Variants in LCORL observed in about 807,000 individuals in gnomAD.
LCORL encodes the protein ligand-dependent nuclear receptor corepressor-like protein.
LCORL carries 41 observed loss-of-function variants against 141.8 expected under a neutral mutation model. The ratio of observed to expected loss-of-function variants is 0.29; its 90% CI spans 0.23 to 0.38. The LOEUF (loss-of-function observed/expected upper bound fraction) is 0.38. LCORL is among the 10% of genes least tolerant of loss of function. The probability of loss-of-function intolerance (pLI) is 1.00; values close to 1 mark genes in which losing one functional copy is unlikely to be tolerated. For missense variants in LCORL, 1,759 were observed against 2,035.0 expected, an observed-to-expected ratio of 0.86 and a Z score of 2.61; for synonymous variants, 618 against 694.1, an observed-to-expected ratio of 0.89 and a Z score of 1.72.
At chr4:17,931,842 T>C (rs1456161939) in intron 4 of LCORL, among the ~76,000 whole-genome samples, 1 of 152,142 alleles carries the variant, frequency 6.6e-6, no homozygotes, top group East Asian at 1.9e-4. Flanking sequence ...TTTAGGTCTT[T>C]TATATCCTTA....
intron 4 of LCORL, among the ~76,000 whole-genome samples, chr4:17,927,879 C>T (rs904396765): frequency 1.2e-4 from 18 of 151,994 alleles, no homozygotes; most frequent in South Asian, 2.1e-4. Context: ...ATAAGGAAAA[C>T]GGCGCAAACA....
chr4:17,933,962 C>T (rs949259745), intron 4 of LCORL, among the ~76,000 whole-genome samples: 8 of 152,000 alleles, frequency 5.3e-5, no homozygotes, highest in African/African-American at 1.7e-4. Context: ...AAGTAACAGT[C>T]CTTTTAGCTC....
intron 1 of LCORL, among the ~76,000 whole-genome samples, chr4:17,991,952 A>G (rs1024379592): frequency 6.6e-6 from 1 of 152,206 alleles, no homozygotes; most frequent in African/African-American, 2.4e-5. Flanking sequence ...AGTGATGGTG[A>G]GACACAGAGA....
intron 2 of LCORL, among the ~76,000 whole-genome samples, chr4:17,967,068 A>T (rs1715029453): frequency 6.6e-6 from 1 of 152,204 alleles, no homozygotes; most frequent in Admixed American, 6.5e-5. Flanking sequence ...GTACATCTAT[A>T]CAACGCAATA....
At chr4:17,963,450 G>A (rs1714254019) in intron 2 of LCORL, among the ~76,000 whole-genome samples, 1 of 151,858 alleles carries the variant, frequency 6.6e-6, no homozygotes, top group South Asian at 2.1e-4. Context: ...ACATAAAATA[G>A]AGAAATAGAA....
intron 1 of LCORL, among the ~76,000 whole-genome samples, chr4:18,017,597 G>A (rs1724830481): frequency 6.6e-6 from 1 of 152,048 alleles, no homozygotes; most frequent in East Asian, 1.9e-4. Context: ...AATTCAAATT[G>A]AGGGACATTC....
In LCORL at chr4:18,021,764, T is replaced by A; in HGVS notation, c.-13A>T. The A allele has an allele frequency of 6.7e-7, 1 of 1,482,596 alleles. No homozygotes were observed. Among genetic ancestry groups the A allele is most frequent in the Non-Finnish European group, 8.9e-7 (1 of 1,122,256 alleles). The allele number at this position is 1,482,596 out of a possible 1,614,324, so 91.8% of individuals were successfully genotyped here. A position where few individuals can be genotyped will look rare whatever the true frequency, so the allele number is the denominator to read the frequency against. On this transcript the variant is annotated 5_prime_UTR_variant, in exon 1 of 8. Coordinates refer to ENST00000635767, the Ensembl canonical transcript of LCORL. The surrounding 1 kb of genome is among the most constrained non-coding windows in gnomAD (Gnocchi z 5.5). ...TTCCCTTGTCCATCTGCGTCCCGCG[T>A]CACGCGCCCTCATTTACATACGAGC... is the stretch of plus-strand genomic sequence containing the variant.
In LCORL at chr4:17,883,318, A is replaced by G. The variant is rs566109264; in HGVS notation, c.776+2750T>C. ...AGAATGTTTATAAACTATGAATATC[A>G]TATTTCCATTATAAGATGGTTCAAC... On this transcript the variant is annotated intron_variant, in intron 6 of 7. Coordinates refer to ENST00000635767, the Ensembl canonical transcript of LCORL. 1.1e-5 allele frequency: 11 copies of G among 996,428 alleles called. No individual in the cohort carries two copies. In the East Asian group the frequency reaches 8.6e-4, roughly 78 times the overall value. 61.7% of individuals were successfully genotyped at this position (996,428 alleles called of 1,614,324 possible). A position where few individuals can be genotyped will look rare whatever the true frequency, so the allele number is the denominator to read the frequency against.
chr4:17,945,428 A>G (rs1179411171), intron 4 of LCORL, among the ~76,000 whole-genome samples: 2 of 151,730 alleles, frequency 1.3e-5, no homozygotes, highest in African/African-American at 2.4e-5. Context: ...TTTTTACACT[A>G]GAATTTATCG....
chr4:17,857,306 CA>C (rs1349962541), intron 7 of LCORL, among the ~76,000 whole-genome samples: 1 of 151,992 alleles, frequency 6.6e-6, no homozygotes, highest in African/African-American at 2.4e-5. Flanking sequence ...GACAGATCTG[CA>C]GAGGATTTTC....
intron 4 of LCORL, among the ~76,000 whole-genome samples, chr4:17,914,728 T>C (rs1373694211): frequency 6.6e-6 from 1 of 152,212 alleles, no homozygotes; most frequent in Non-Finnish European, 1.5e-5. Flanking sequence ...AGTAAACATT[T>C]GCCTAGAAGA....
chr4:17,941,003 A>T (rs1365287490), intron 4 of LCORL, among the ~76,000 whole-genome samples: 1 of 152,228 alleles, frequency 6.6e-6, no homozygotes, highest in Non-Finnish European at 1.5e-5. Context: ...TCAGAGAACA[A>T]CCTGCCAAGC....
chr4:17,904,029 G>A (rs1731259733), intron 5 of LCORL, among the ~76,000 whole-genome samples: 1 of 151,954 alleles, frequency 6.6e-6, no homozygotes, highest in Non-Finnish European at 1.5e-5. Context: ...AGTATTTACA[G>A]TAAAGTAAAA....
At chr4:18,011,504 T>C (rs1723787227) in intron 1 of LCORL, among the ~76,000 whole-genome samples, 2 of 152,038 alleles carry the variant, frequency 1.3e-5, no homozygotes, top group African/African-American at 4.8e-5. Context: ...CTTCCAGTCC[T>C]ACTTTCTGCT....
At chr4:17,842,222 G>A (rs2109073293) in exon 8 of LCORL, 1 of 1,118,084 alleles carries the variant, frequency 8.9e-7, no homozygotes, top group Non-Finnish European at 1.3e-6. Flanking sequence ...TTGTGTTGAA[G>A]ACAAAGGATT....
Position 17,887,651 on chromosome 4 carries a change from CA to C in LCORL, c.683-1491del, listed in dbSNP as rs1380277314. Among the ~76,000 whole-genome samples the C allele has an allele frequency of 4.6e-5, 7 of 152,202 alleles. No homozygotes were observed. The East Asian group carries it at 1.4e-3, about 29-fold the overall frequency. ...GTTATAGGAAGAGGTTAAACAGGGCCATTGGGCCATGGCAAGAACTTCGCAT... is the reference window on the plus strand; with the variant it reads ...GTTATAGGAAGAGGTTAAACAGGGCCTTGGGCCATGGCAAGAACTTCGCAT... On this transcript the variant is annotated intron_variant, in intron 5 of 7. Transcript: ENST00000635767.
chr4:17,860,263 G>A (rs1042489157), intron 7 of LCORL, among the ~76,000 whole-genome samples: 1 of 152,192 alleles, frequency 6.6e-6, no homozygotes, highest in Non-Finnish European at 1.5e-5. Context: ...AGACATACCC[G>A]AGACTGGGCA....
At chr4:17,988,531 T>TCCTA (rs1719418458) in intron 1 of LCORL, among the ~76,000 whole-genome samples, 1 of 152,200 alleles carries the variant, frequency 6.6e-6, no homozygotes, top group African/African-American at 2.4e-5. Flanking sequence ...GCTCATCTAC[T>TCCTA]CCTAAGCTAA....
In LCORL at chr4:17,939,264, AATG is replaced by A. The variant is rs1445100140; in HGVS notation, c.430+22636_430+22638del. On this transcript the variant is annotated intron_variant, in intron 4 of 7. Transcript: ENST00000635767. ...CACCCACTAGAACAGCTAGTAACGG[AATG>A]ATAACATCAATTGCTCAAAGGCATG... Among the ~76,000 whole-genome samples the A allele has an allele frequency of 3.3e-5, 5 of 152,228 alleles. No individual in the cohort carries two copies. In the East Asian group the frequency reaches 9.6e-4, roughly 29 times the overall value.
Sources: gnomAD v4.1 joint callset for allele counts (sites outside exome capture counted in the v4.1 genomes callset) on GRCh38, gnomAD v4.1.1 for gene constraint, Gnocchi (gnomAD v3.1) non-coding constraint, MANE v1.5 for transcripts, NCBI Gene and HGNC (gene_info 2026-07-23, HGNC 2026-07-21) for gene names.